Variants in PTPRN2 observed in about 807,000 individuals in gnomAD.
The protein encoded by PTPRN2 is receptor-type tyrosine-protein phosphatase N2.
PTPRN2 carries 74 observed loss-of-function variants against 118.8 expected under a neutral mutation model. That is an observed-to-expected ratio of 0.62 (90% CI 0.52 to 0.76). The LOEUF is 0.76. Among genes scored for constraint, PTPRN2 ranks in the 30% least tolerant of loss-of-function variants. The probability of loss-of-function intolerance (pLI) is 0.00; values close to 1 mark genes in which losing one functional copy is unlikely to be tolerated. For synonymous variants in PTPRN2, 641 were observed against 608.0 expected (o/e 1.05, Z -0.80); for missense variants, 1,481 against 1,394.4 (o/e 1.06, Z -0.99).
chr7:158,233,784 T>C lies in PTPRN2; in HGVS notation c.278-28511A>G, dbSNP rs1829328447. ...GCATAAAAACAGACACACAGACCAA[T>C]GGAACAGAATAGAGAATCCAGGTAT... On this transcript the variant is annotated intron_variant, in intron 3 of 22. Transcript: ENST00000389418. Among the ~76,000 whole-genome samples the C allele has an allele frequency of 2.0e-5, 3 of 152,080 alleles. No homozygotes were observed. The South Asian group carries it at 6.2e-4, about 32-fold the overall frequency.
At chr7:157,543,497 A>G (rs779997643) in intron 22 of PTPRN2, among the ~76,000 whole-genome samples, 10 of 152,184 alleles carry the variant, frequency 6.6e-5, no homozygotes, top group Non-Finnish European at 1.5e-4. Flanking sequence ...GGGTGCCCAC[A>G]TAGTTGGTGG....
chr7:158,460,588 CA>C (rs1022112835), intron 2 of PTPRN2, among the ~76,000 whole-genome samples: 41 of 152,146 alleles, frequency 2.7e-4, no homozygotes, highest in African/African-American at 9.9e-4. Flanking sequence ...ACTCTATCTA[CA>C]TGTTCCTGCT....
intron 3 of PTPRN2, 127 bp from the exon 4 acceptor site, chr7:158,205,400 T>C: frequency 1.5e-6 from 1 of 662,362 alleles, no homozygotes; most frequent in Non-Finnish European, 2.7e-6. Flanking sequence ...TAAGCCTCCC[T>C]CTCACTGCAG....
At chr7:157,848,484 T>A (rs1484369342) in intron 12 of PTPRN2, among the ~76,000 whole-genome samples, 2 of 152,268 alleles carry the variant, frequency 1.3e-5, no homozygotes, top group African/African-American at 4.8e-5. Flanking sequence ...GCCCAATGTT[T>A]ACAGAGCCCT....
intron 3 of PTPRN2, 68 bp downstream of exon 3, chr7:158,316,751 A>T: frequency 8.4e-7 from 1 of 1,187,832 alleles, no homozygotes; most frequent in East Asian, 2.5e-5. Flanking sequence ...ACCGCCCAGG[A>T]GGAGAAGCCA....
At chr7:158,045,394 C>T (rs1808768624) in intron 11 of PTPRN2, among the ~76,000 whole-genome samples, 1 of 152,174 alleles carries the variant, frequency 6.6e-6, no homozygotes, top group Admixed American at 6.5e-5. Flanking sequence ...AAGATCCCAG[C>T]TATCCAGATA....
At chr7:158,389,972 C>T (rs1468489305) in intron 2 of PTPRN2, among the ~76,000 whole-genome samples, 3 of 152,228 alleles carry the variant, frequency 2.0e-5, no homozygotes, top group Non-Finnish European at 4.4e-5. Flanking sequence ...CCTCCTGCAT[C>T]CACCTCGGAT....
At chr7:158,047,308 A>G (rs1350245737) in intron 11 of PTPRN2, among the ~76,000 whole-genome samples, 1 of 152,270 alleles carries the variant, frequency 6.6e-6, no homozygotes, top group African/African-American at 2.4e-5. Context: ...CAGGTCACTC[A>G]GTTCCCTTTC....
At chr7:157,800,355 C>T (rs569694180) in intron 12 of PTPRN2, among the ~76,000 whole-genome samples, 2 of 152,184 alleles carry the variant, frequency 1.3e-5, no homozygotes, top group Non-Finnish European at 2.9e-5. Flanking sequence ...AGAAATTACC[C>T]GGTCACTATA....
intron 15 of PTPRN2, among the ~76,000 whole-genome samples, chr7:157,620,671 G>A (rs997798037): frequency 6.6e-6 from 1 of 152,200 alleles, no homozygotes; most frequent in African/African-American, 2.4e-5. Flanking sequence ...ATGCTCACTG[G>A]GGTGCAGATG....
chr7:158,541,719 C>A, intron 1 of PTPRN2: 1 of 1,231,348 alleles, frequency 8.1e-7, no homozygotes, highest in Non-Finnish European at 1.0e-6. Context: ...AATTAAAACA[C>A]TTGCTTAAAG....
intron 11 of PTPRN2, among the ~76,000 whole-genome samples, chr7:157,912,915 G>A (rs771605026): frequency 9.9e-5 from 15 of 152,154 alleles, no homozygotes; most frequent in South Asian, 4.1e-4. Flanking sequence ...GTCTACACAC[G>A]AAGGCAGGTG....
chr7:158,340,861 C>T (rs111876661), intron 2 of PTPRN2, among the ~76,000 whole-genome samples: 3 of 86,206 alleles, frequency 3.5e-5, no homozygotes, highest in East Asian at 3.6e-4. Context: ...CACATGCAGA[C>T]GTCACTCACA....
intron 3 of PTPRN2, among the ~76,000 whole-genome samples, chr7:158,223,904 C>A (rs1031332372): frequency 5.9e-5 from 9 of 152,186 alleles, no homozygotes; most frequent in Non-Finnish European, 1.3e-4. Context: ...TGATTATCTA[C>A]ACAGAAAGCC....
intron 3 of PTPRN2, among the ~76,000 whole-genome samples, chr7:158,205,757 G>A (rs1037817658): frequency 6.6e-6 from 1 of 152,220 alleles, no homozygotes; most frequent in Non-Finnish European, 1.5e-5. Flanking sequence ...GCCCCAGAGA[G>A]AGAACGCATG....
At chr7:158,139,297 A>G (rs1402772054) in intron 6 of PTPRN2, among the ~76,000 whole-genome samples, 2 of 152,290 alleles carry the variant, frequency 1.3e-5, no homozygotes, top group African/African-American at 4.8e-5. Context: ...AATCCAACAC[A>G]CATTCTGTAA....
At chr7:158,400,242 A>G (rs1812831698) in intron 2 of PTPRN2, among the ~76,000 whole-genome samples, 1 of 152,046 alleles carries the variant, frequency 6.6e-6, no homozygotes, top group Non-Finnish European at 1.5e-5. Context: ...TTGAAGACCA[A>G]TGTCTTAGTC....
At chr7:157,999,910 A>G (rs1453408756) in intron 11 of PTPRN2, among the ~76,000 whole-genome samples, 1 of 151,494 alleles carries the variant, frequency 6.6e-6, no homozygotes, top group Non-Finnish European at 1.5e-5. Flanking sequence ...TTTTTGAGTC[A>G]GAGTCTCACT....
chr7:157,606,375 G>A (rs1012394428), intron 15 of PTPRN2, among the ~76,000 whole-genome samples: 23 of 152,214 alleles, frequency 1.5e-4, no homozygotes, highest in East Asian at 7.7e-4. Context: ...CCTGCCTGCC[G>A]CGTGGAACAG....
Sources: allele counts gnomAD v4.1 joint callset (sites outside exome capture counted in the v4.1 genomes callset), GRCh38; gene constraint gnomAD v4.1.1; transcripts MANE v1.5; gene names NCBI Gene and HGNC (gene_info 2026-07-23, HGNC 2026-07-21).